Variants in LHX8 observed in about 807,000 individuals in gnomAD.
The protein encoded by LHX8 is LIM homeobox 8.
In LHX8, 12 loss-of-function variants were observed where a neutral mutation model predicts 40.3. The observed-to-expected ratio is 0.30, with a 90% confidence interval of 0.19 to 0.48. The LOEUF (loss-of-function observed/expected upper bound fraction) is 0.48. LHX8 is among the 20% of genes least tolerant of loss of function. The probability of loss-of-function intolerance (pLI) is 0.99; values close to 1 mark genes in which losing one functional copy is unlikely to be tolerated. For synonymous variants in LHX8, 179 were observed against 162.0 expected (o/e 1.10, Z -0.80); for missense variants, 344 against 433.7 (o/e 0.79, Z 1.84).
At chr1:75,135,567 C>CCT (rs1648098340) in intron 1 of LHX8, among the ~76,000 whole-genome samples, 1 of 152,142 alleles carries the variant, frequency 6.6e-6, no homozygotes, top group Non-Finnish European at 1.5e-5. Flanking sequence ...GAAGGGGAGG[C>CCT]GAACAGTCAG....
downstream of LHX8, among the ~76,000 whole-genome samples, chr1:75,164,828 C>T (rs1225600217): frequency 1.3e-5 from 2 of 150,982 alleles, no homozygotes; most frequent in African/African-American, 4.9e-5. Context: ...TGCCACCACA[C>T]ACCACACAAA....
At chr1:75,154,859 A>G (rs995776654) in intron 7 of LHX8, among the ~76,000 whole-genome samples, 6 of 152,226 alleles carry the variant, frequency 3.9e-5, no homozygotes, top group Non-Finnish European at 7.3e-5. Flanking sequence ...GCTCAAGGCT[A>G]TATACCCCAC....
At chr1:75,147,883 G>A (rs1046286240) in intron 6 of LHX8, among the ~76,000 whole-genome samples, 8 of 152,120 alleles carry the variant, frequency 5.3e-5, no homozygotes, top group Middle Eastern at 3.4e-3. Flanking sequence ...TTGGCATGTC[G>A]GCATCTTTCT....
downstream of LHX8, among the ~76,000 whole-genome samples, chr1:75,161,717 T>G (rs918722688): frequency 1.3e-5 from 2 of 151,806 alleles, no homozygotes; most frequent in African/African-American, 4.8e-5. Flanking sequence ...AAATTGTCTT[T>G]TAGGCCAGCT....
Position 75,134,824 on chromosome 1 carries a change from T to C in LHX8, c.-143T>C. 3 of 676,462 alleles carry C rather than the reference T, an allele frequency of 4.4e-6. No homozygotes were observed. The highest frequency in any genetic ancestry group is 5.2e-6 in the Non-Finnish European group (3 of 579,292). 41.9% of individuals were successfully genotyped at this position (676,462 alleles called of 1,614,324 possible). A position where few individuals can be genotyped will look rare whatever the true frequency, so the allele number is the denominator to read the frequency against. On this transcript the variant is annotated 5_prime_UTR_variant, in exon 1 of 9. Transcript: ENST00000356261. ...GGCCTCATCTTCAGACCTGGCAATT[T>C]TTTTTTTTTATTACGTAGTAGCGTT...
intron 7 of LHX8, among the ~76,000 whole-genome samples, chr1:75,150,546 A>G (rs1480900458): frequency 6.6e-6 from 1 of 152,188 alleles, no homozygotes; most frequent in Non-Finnish European, 1.5e-5. Flanking sequence ...GGGACGTAGT[A>G]ACAGCCAGAG....
At chr1:75,148,399 A>G (rs920138615) in intron 6 of LHX8, among the ~76,000 whole-genome samples, 188 bp from the exon 7 acceptor site, 1 of 152,220 alleles carries the variant, frequency 6.6e-6, no homozygotes, top group Non-Finnish European at 1.5e-5. Flanking sequence ...TTCTCAGCAT[A>G]GCAACTTGTG....
At chr1:75,153,295 C>T (rs370795547) in intron 7 of LHX8, among the ~76,000 whole-genome samples, 4 of 152,050 alleles carry the variant, frequency 2.6e-5, no homozygotes, top group East Asian at 1.9e-4. Context: ...TTGGTAGAGA[C>T]GGGGTTTCAC....
At chr1:75,166,727 G>A in the LHX8 span, among the ~76,000 whole-genome samples, 1 of 152,212 alleles carries the variant, frequency 6.6e-6, no homozygotes, top group Non-Finnish European at 1.5e-5. Flanking sequence ...TGTCTCAGAA[G>A]TCTTGGTGAA....
At chr1:75,193,004 T>C in the LHX8 span, among the ~76,000 whole-genome samples, 6 of 152,164 alleles carry the variant, frequency 3.9e-5, no homozygotes, top group Non-Finnish European at 8.8e-5. Context: ...AGGTGATTTA[T>C]TACATTTTTC....
chr1:75,172,255 C>G, the LHX8 span, among the ~76,000 whole-genome samples: 3 of 152,148 alleles, frequency 2.0e-5, no homozygotes, highest in African/African-American at 4.8e-5. Flanking sequence ...CTATACCAGT[C>G]CTGAGATCTT....
At chr1:75,196,487 A>C in the LHX8 span, among the ~76,000 whole-genome samples, 4 of 152,214 alleles carry the variant, frequency 2.6e-5, no homozygotes, top group Non-Finnish European at 5.9e-5. Context: ...AATGACAGCC[A>C]GATAGCTTGC....
chr1:75,177,307 C>G, the LHX8 span, among the ~76,000 whole-genome samples: 1 of 152,186 alleles, frequency 6.6e-6, no homozygotes, highest in Non-Finnish European at 1.5e-5. Flanking sequence ...TATCCATGAG[C>G]ATGGAATGTT....
the LHX8 span, among the ~76,000 whole-genome samples, chr1:75,197,853 A>G: frequency 1.1e-3 from 172 of 152,350 alleles, no homozygotes; most frequent in African/African-American, 3.9e-3. Flanking sequence ...CAGGGGCTGC[A>G]GAGAAAAACC....
intron 6 of LHX8, among the ~76,000 whole-genome samples, chr1:75,146,145 C>G (rs1005183383): frequency 1.3e-5 from 2 of 152,092 alleles, no homozygotes; most frequent in Non-Finnish European, 2.9e-5. Context: ...TCAAACTCTC[C>G]TACATTTAGG....
the LHX8 span, among the ~76,000 whole-genome samples, chr1:75,187,618 TG>T: frequency 6.6e-6 from 1 of 152,052 alleles, no homozygotes. Context: ...GCAGGCATAG[TG>T]GAGCAAGGGA....
At chr1:75,190,916 A>T in the LHX8 span, among the ~76,000 whole-genome samples, 1 of 152,180 alleles carries the variant, frequency 6.6e-6, no homozygotes. Flanking sequence ...GTTTGAGTTT[A>T]AAAAAAGAAA....
chr1:75,131,253 C>T (rs1051796948), upstream of LHX8: 1 of 181,174 alleles, frequency 5.5e-6, no homozygotes, highest in South Asian at 1.2e-4. Flanking sequence ...TTCGGGAATC[C>T]GAGTTTCCGG....
At chr1:75,137,781 C>T (rs1008929014) in intron 3 of LHX8, among the ~76,000 whole-genome samples, 8 of 152,176 alleles carry the variant, frequency 5.3e-5, no homozygotes, top group Non-Finnish European at 7.3e-5. Flanking sequence ...TGTAAAGTAG[C>T]TTAAAGGATC....
Sources: allele counts gnomAD v4.1 joint callset (sites outside exome capture counted in the v4.1 genomes callset), GRCh38; gene constraint gnomAD v4.1.1; transcripts MANE v1.5; gene names NCBI Gene and HGNC (gene_info 2026-07-23, HGNC 2026-07-21).